Variants in MYLK4 observed in about 807,000 individuals in gnomAD.
MYLK4 encodes caMLCK like.
Under a neutral mutation model 48.1 loss-of-function variants are expected in MYLK4, and 46 were observed. The ratio of observed to expected loss-of-function variants is 0.96; its 90% CI spans 0.75 to 1.22. The LOEUF (loss-of-function observed/expected upper bound fraction) is 1.22. Ranked by LOEUF, MYLK4 falls within the 50% of genes most tolerant of loss-of-function variation. MYLK4 has a pLI of 0.00. For missense variants in MYLK4, 451 were observed against 486.1 expected (o/e 0.93, Z 0.68); for synonymous variants, 170 against 180.8 (o/e 0.94, Z 0.48).
At chr6:2,770,223 G>C in the MYLK4 span, 1 of 1,614,168 alleles carries the variant, frequency 6.2e-7, no homozygotes, top group Non-Finnish European at 8.5e-7. Flanking sequence ...AGCCGCTGTC[G>C]AGTGATTGTT....
chr6:2,679,191 C>T (rs1761201081), intron 9 of MYLK4, 89 bp downstream of exon 9: 3 of 1,473,618 alleles, frequency 2.0e-6, no homozygotes, highest in African/African-American at 2.8e-5. Context: ...TTTTAAATAC[C>T]CCAATTGGGG....
At chr6:2,766,356 C>G in the MYLK4 span, 3 of 1,610,362 alleles carry the variant, frequency 1.9e-6, no homozygotes, top group Admixed American at 3.3e-5. Context: ...CAGAGCAAGG[C>G]CGTGGGCCAG....
At chr6:2,686,608 C>A (rs1761561213) in intron 4 of MYLK4, among the ~76,000 whole-genome samples, 1 of 152,200 alleles carries the variant, frequency 6.6e-6, no homozygotes, top group South Asian at 2.1e-4. Flanking sequence ...ACACAGTGAA[C>A]CCGAGGCAAG....
At chr6:2,747,707 G>A (rs1450392290) in intron 2 of MYLK4, among the ~76,000 whole-genome samples, 2 of 152,052 alleles carry the variant, frequency 1.3e-5, no homozygotes, top group African/African-American at 2.4e-5. Flanking sequence ...ATAGATTTTG[G>A]AGAAAAACAG....
chr6:2,731,522 C>T (rs553744865), intron 2 of MYLK4, among the ~76,000 whole-genome samples: 31 of 152,276 alleles, frequency 2.0e-4, no homozygotes, highest in African/African-American at 6.7e-4. Context: ...CCTTCAGGTG[C>T]AGATGAAACT....
chr6:2,755,696 A>G (rs1051435470), upstream of MYLK4, among the ~76,000 whole-genome samples: 1 of 152,034 alleles, frequency 6.6e-6, no homozygotes, highest in Non-Finnish European at 1.5e-5. Flanking sequence ...GCACCACCAC[A>G]CCAGGCTAAG....
the MYLK4 span, among the ~76,000 whole-genome samples, chr6:2,758,147 C>T: frequency 6.6e-6 from 1 of 152,040 alleles, no homozygotes; most frequent in Non-Finnish European, 1.5e-5. Context: ...GTTATCAGAT[C>T]TCCTAAGAAA....
intron 2 of MYLK4, among the ~76,000 whole-genome samples, chr6:2,726,026 A>T (rs1482575305): frequency 6.6e-6 from 1 of 152,220 alleles, no homozygotes; most frequent in African/African-American, 2.4e-5. Flanking sequence ...TATCTTTAAG[A>T]CAGACTTTGA....
At chr6:2,737,359 G>A (rs967133283) in intron 2 of MYLK4, among the ~76,000 whole-genome samples, 1 of 152,192 alleles carries the variant, frequency 6.6e-6, no homozygotes, top group African/African-American at 2.4e-5. Context: ...ATTATGCCTT[G>A]CTTAATGCTT....
At chr6:2,743,769 C>T (rs1357481329) in intron 2 of MYLK4, 1 of 395,804 alleles carries the variant, frequency 2.5e-6, no homozygotes, top group Non-Finnish European at 4.4e-6. Flanking sequence ...TCAACTGCCC[C>T]TAAGACCAGG....
chr6:2,744,835 C>G lies in MYLK4; in HGVS notation c.159+4301G>C, dbSNP rs183924969. Among the ~76,000 whole-genome samples, 637 of 152,290 alleles carry G rather than the reference C, an allele frequency of 4.2e-3. 2 individuals carry two copies. Among genetic ancestry groups the G allele is most frequent in the African/African-American group, 0.014 (599 of 41,554 alleles). On this transcript the variant is annotated intron_variant, in intron 2 of 12. Coordinates refer to ENST00000274643, the MANE Select transcript of MYLK4 (RefSeq NM_001012418.5). ...CCAGGTTTTAAAAAGGAATTATTCC[C>G]TATGAAGGAAGGCTTTCAAACACAA...
rs373530514 is a variant in MYLK4 at position 2,722,098 on chromosome 6, C to T, written c.159+27038G>A. 7.2e-5 allele frequency among the ~76,000 whole-genome samples: 11 copies of T among 152,244 alleles called. 1 individual carries two copies. Among genetic ancestry groups the T allele is most frequent in the African/African-American group, 2.6e-4 (11 of 41,534 alleles). On this transcript the variant is annotated intron_variant, in intron 2 of 12. Coordinates refer to ENST00000274643, the MANE Select transcript of MYLK4 (RefSeq NM_001012418.5). ...TTCCAGACTGTTGGAGAGTTGAAAT[C>T]CTCAGATACCAGCTGTGCTTCAGAC...
Position 2,725,341 on chromosome 6 carries a change from C to G in MYLK4, c.159+23795G>C, listed in dbSNP as rs144057369. ...CCAGGCATGGCATGGTGGTACACAC[C>G]TACAGTCTGAGCTACTTGGGAGGCC... On this transcript the variant is annotated intron_variant, in intron 2 of 12. Coordinates refer to ENST00000274643, the MANE Select transcript of MYLK4 (RefSeq NM_001012418.5). Among the ~76,000 whole-genome samples, 730 of 152,062 alleles carry G rather than the reference C, an allele frequency of 4.8e-3. 3 individuals are homozygous for G. Among genetic ancestry groups the G allele is most frequent in the African/African-American group, 0.017 (692 of 41,444 alleles).
intron 12 of MYLK4, among the ~76,000 whole-genome samples, chr6:2,669,767 A>T (rs1268473162): frequency 6.6e-6 from 1 of 152,122 alleles, no homozygotes. Context: ...ACTCTCTCCT[A>T]CCTTATTGAG....
the MYLK4 span, among the ~76,000 whole-genome samples, chr6:2,761,341 T>C: frequency 6.6e-6 from 1 of 152,204 alleles, no homozygotes; most frequent in African/African-American, 2.4e-5. Flanking sequence ...CCTGGGACCT[T>C]ATACTATACG....
intron 2 of MYLK4, among the ~76,000 whole-genome samples, chr6:2,745,582 G>A (rs1305565970): frequency 2.6e-5 from 4 of 152,132 alleles, no homozygotes; most frequent in Non-Finnish European, 5.9e-5. Context: ...ACAGCCTTTG[G>A]AACATAATAG....
chr6:2,765,013 A>G, the MYLK4 span, among the ~76,000 whole-genome samples: 1 of 151,900 alleles, frequency 6.6e-6, no homozygotes, highest in African/African-American at 2.4e-5. Flanking sequence ...TTGTCCCCAC[A>G]GGCCCATTCA....
intron 2 of MYLK4, among the ~76,000 whole-genome samples, chr6:2,696,164 C>A (rs987964137): frequency 6.6e-6 from 1 of 152,162 alleles, no homozygotes; most frequent in African/African-American, 2.4e-5. Context: ...GTCCAGATGT[C>A]CAAGTATTCA....
At chr6:2,729,053 T>C (rs868080039) in intron 2 of MYLK4, among the ~76,000 whole-genome samples, 4 of 152,338 alleles carry the variant, frequency 2.6e-5, no homozygotes, top group South Asian at 2.1e-4. Context: ...CACTCCCTCC[T>C]GGCTCACTGT....
Sources: allele counts gnomAD v4.1 joint callset (sites outside exome capture counted in the v4.1 genomes callset), GRCh38; gene constraint gnomAD v4.1.1; transcripts MANE v1.5; gene names NCBI Gene and HGNC (gene_info 2026-07-23, HGNC 2026-07-21).